The following DNAJC1 variants were observed in gnomAD, a reference collection of about 807,000 sequenced individuals.
DNAJC1 encodes the protein DnaJ heat shock protein family (Hsp40) member C1, also known as dnaJ homolog subfamily C member 1.
DNAJC1 carries 58 observed loss-of-function variants against 76.6 expected under a neutral mutation model. That is an observed-to-expected ratio of 0.76 (90% CI 0.61 to 0.94). DNAJC1 has a LOEUF of 0.94. Ranked by LOEUF, DNAJC1 falls within the 40% of genes least tolerant of loss-of-function variation. The pLI, the probability that DNAJC1 is intolerant of heterozygous loss-of-function variation, is 0.00. For missense variants in DNAJC1, 689 were observed against 677.3 expected (o/e 1.02, Z -0.19); for synonymous variants, 258 against 267.9 (o/e 0.96, Z 0.36).
At chr10:21,793,454 G>T (rs1834715141) in intron 9 of DNAJC1, among the ~76,000 whole-genome samples, 7 of 152,206 alleles carry the variant, frequency 4.6e-5, no homozygotes, top group Admixed American at 4.6e-4. Context: ...TGTACTAGAT[G>T]TTTTAGCCAG....
intron 1 of DNAJC1, among the ~76,000 whole-genome samples, chr10:21,989,148 T>G (rs971163284): frequency 6.6e-6 from 1 of 152,204 alleles, no homozygotes; most frequent in African/African-American, 2.4e-5. Context: ...CTTAAATTAC[T>G]GTGAATAAAC....
intron 8 of DNAJC1, among the ~76,000 whole-genome samples, chr10:21,861,589 G>A (rs1304824535): frequency 2.0e-5 from 3 of 152,118 alleles, no homozygotes; most frequent in African/African-American, 7.2e-5. Flanking sequence ...GAAGGAGGTT[G>A]GCACAAGATA....
At position 21,956,562 on chromosome 10, in the gene DNAJC1, A is replaced by C. The variant is rs1250883999; in HGVS notation, c.223-27421T>G. On this transcript the variant is annotated intron_variant, in intron 1 of 11. Transcript: ENST00000376980. Reference sequence around the variant, plus strand: ...ACACATAAATACACATACATATATAAATACATATTTATGTACATATATAAA... The same window carrying C: ...ACACATAAATACACATACATATATACATACATATTTATGTACATATATAAA... Among the ~76,000 whole-genome samples the C allele has an allele frequency of 3.3e-5, 5 of 150,824 alleles. No homozygotes were observed. In the East Asian group the frequency reaches 9.7e-4, roughly 29 times the overall value.
At chr10:21,888,493 C>T (rs1002901896) in intron 7 of DNAJC1, among the ~76,000 whole-genome samples, 1 of 152,054 alleles carries the variant, frequency 6.6e-6, no homozygotes, top group Non-Finnish European at 1.5e-5. Flanking sequence ...CCTGAATGCC[C>T]ATCAATTAGC....
chr10:21,837,582 G>A (rs1455859298), intron 8 of DNAJC1, among the ~76,000 whole-genome samples: 2 of 151,080 alleles, frequency 1.3e-5, no homozygotes, highest in African/African-American at 2.4e-5. Context: ...GGGAGGTGAG[G>A]AGCCTCTCTG....
At chr10:21,841,070 A>C (rs1406799249) in intron 8 of DNAJC1, among the ~76,000 whole-genome samples, 1 of 152,226 alleles carries the variant, frequency 6.6e-6, no homozygotes, top group Non-Finnish European at 1.5e-5. Context: ...CTGAAACTGG[A>C]TCCCTTCCTT....
At chr10:21,962,152 T>C (rs1837804751) in intron 1 of DNAJC1, among the ~76,000 whole-genome samples, 1 of 152,162 alleles carries the variant, frequency 6.6e-6, no homozygotes, top group Non-Finnish European at 1.5e-5. Context: ...TAGTACATAA[T>C]ACATATTTTT....
intron 8 of DNAJC1, among the ~76,000 whole-genome samples, chr10:21,857,976 G>C (rs1385298154): frequency 6.6e-6 from 1 of 152,166 alleles, no homozygotes; most frequent in East Asian, 1.9e-4. Flanking sequence ...AAACATTAGT[G>C]CAATTCTTAC....
chr10:21,831,279 C>T (rs532623411), intron 8 of DNAJC1, among the ~76,000 whole-genome samples: 60 of 152,256 alleles, frequency 3.9e-4, no homozygotes, highest in African/African-American at 1.4e-3. Context: ...CCTTTGAGAG[C>T]AGGCTAGAGG....
intron 8 of DNAJC1, among the ~76,000 whole-genome samples, chr10:21,837,943 C>T (rs1321185055): frequency 2.4e-4 from 33 of 136,948 alleles, no homozygotes; most frequent in African/African-American, 7.8e-4. Context: ...CCCGGCCAGC[C>T]GCCCCGGCCG....
At position 21,919,844 on chromosome 10, in the gene DNAJC1, T is replaced by C; in HGVS notation, c.623A>G (p.Glu208Gly). ...SVDVSKLGAS[E>G]KNERLLMKPQ... ...TATATGCTCTCACCTTTCATTTTTT[T>C]CTGAAGCACCGAGTTTTGATACATC... is the stretch of plus-strand genomic sequence containing the variant. Residue 208 changes from glutamate to glycine, a missense_variant, in exon 5 of 12, where the codon GAA (glutamate) becomes GGA (glycine). By Grantham distance (98) the Glu-to-Gly change is moderately conservative (BLOSUM62 -2). Coordinates refer to ENST00000376980, the MANE Select transcript of DNAJC1 (RefSeq NM_022365.4). 6.2e-7 allele frequency: 1 copy of C among 1,603,158 alleles called. No homozygotes were observed. Among genetic ancestry groups the C allele is most frequent in the Admixed American group, 1.7e-5 (1 of 57,762 alleles).
chr10:21,999,451 CTTTTTTTTT>C (rs140026558), intron 1 of DNAJC1, among the ~76,000 whole-genome samples: 2 of 94,032 alleles, frequency 2.1e-5, no homozygotes, highest in Non-Finnish European at 3.9e-5. Flanking sequence ...CTTCTTGACT[CTTTTTTTTT>C]TTTTTTTTTT....
intron 9 of DNAJC1, among the ~76,000 whole-genome samples, chr10:21,778,218 T>C (rs753522828): frequency 2.6e-5 from 4 of 152,060 alleles, no homozygotes; most frequent in Non-Finnish European, 5.9e-5. Flanking sequence ...AATGCTGATA[T>C]TACAGATGAG....
intron 1 of DNAJC1, among the ~76,000 whole-genome samples, chr10:21,997,871 T>C (rs1005821788): frequency 1.3e-5 from 2 of 152,234 alleles, no homozygotes; most frequent in Non-Finnish European, 2.9e-5. Context: ...AGAAAGAGAA[T>C]GAAGCACATT....
At chr10:21,935,345 A>T (rs1198760209) in intron 1 of DNAJC1, among the ~76,000 whole-genome samples, 2 of 152,060 alleles carry the variant, frequency 1.3e-5, no homozygotes, top group East Asian at 3.8e-4. Context: ...CTGAAATGAA[A>T]ATTTTACTAG....
intron 6 of DNAJC1, among the ~76,000 whole-genome samples, chr10:21,911,934 G>A (rs955279863): frequency 4.6e-5 from 7 of 152,138 alleles, no homozygotes; most frequent in Non-Finnish European, 1.0e-4. Context: ...TGTTCTGAGC[G>A]TGTTTAAGGT....
chr10:21,816,544 TC>T (rs1250800169), intron 8 of DNAJC1, among the ~76,000 whole-genome samples: 12 of 136,412 alleles, frequency 8.8e-5, no homozygotes, highest in African/African-American at 2.6e-4. Context: ...TGTCTCTCTC[TC>T]TTTTTTTTTT....
intron 1 of DNAJC1, among the ~76,000 whole-genome samples, chr10:21,936,836 T>C (rs1345005160): frequency 1.3e-5 from 2 of 151,724 alleles, no homozygotes; most frequent in Non-Finnish European, 2.9e-5. Flanking sequence ...AAAAACTGAA[T>C]ACAAAAAAGG....
At chr10:21,935,832 C>A (rs1384039559) in intron 1 of DNAJC1, among the ~76,000 whole-genome samples, 1 of 151,886 alleles carries the variant, frequency 6.6e-6, no homozygotes, top group African/African-American at 2.4e-5. Flanking sequence ...AAAAAAAAAT[C>A]TATCAACCAA....
Sources: allele counts gnomAD v4.1 joint callset (sites outside exome capture counted in the v4.1 genomes callset), GRCh38; gene constraint gnomAD v4.1.1; transcripts MANE v1.5; gene names NCBI Gene and HGNC (gene_info 2026-07-23, HGNC 2026-07-21).